DLG2: variants seen among roughly 807,000 people sequenced by gnomAD.
The protein encoded by DLG2 is discs large MAGUK scaffold protein 2, also known as disks large homolog 2.
DLG2 carries 45 observed loss-of-function variants against 132.5 expected under a neutral mutation model. The ratio of observed to expected loss-of-function variants is 0.34; its 90% CI spans 0.27 to 0.44. DLG2 has a LOEUF of 0.44. Among genes scored for constraint, DLG2 ranks in the 20% least tolerant of loss-of-function variants. The pLI is 1.00. For missense variants in DLG2, 1,045 were observed against 1,196.9 expected (o/e 0.87, Z 1.87); for synonymous variants, 424 against 419.6 (o/e 1.01, Z -0.13).
intron 14 of DLG2, 84 bp downstream of exon 14, chr11:83,962,801 C>T: frequency 1.3e-6 from 2 of 1,537,932 alleles, no homozygotes; most frequent in Non-Finnish European, 1.8e-6. Flanking sequence ...AGTTAGCATC[C>T]AAAACAACAC....
chr11:83,868,516 A>G (rs535130989), intron 16 of DLG2, among the ~76,000 whole-genome samples: 137 of 152,274 alleles, frequency 9.0e-4, no homozygotes, highest in African/African-American at 3.0e-3. Flanking sequence ...ACATATATAC[A>G]TATGTGTGTG....
intron 11 of DLG2, among the ~76,000 whole-genome samples, chr11:84,056,412 C>G (rs1398018915): frequency 6.6e-6 from 1 of 152,100 alleles, no homozygotes; most frequent in East Asian, 1.9e-4. Flanking sequence ...ACATCTTCCA[C>G]TTTGTTCCAG....
chr11:84,545,318 T>C, intron 6 of DLG2: 1 of 510,642 alleles, frequency 2.0e-6, no homozygotes. Context: ...TCACTGTAGC[T>C]TCCTTCACCT....
chr11:85,209,270 A>G (rs1488343470), intron 4 of DLG2, among the ~76,000 whole-genome samples: 1 of 151,940 alleles, frequency 6.6e-6, no homozygotes, highest in Non-Finnish European at 1.5e-5. Context: ...TCTGTTTCCA[A>G]GCTAATATCA....
At chr11:85,261,808 A>C (rs1373713201) in intron 4 of DLG2, among the ~76,000 whole-genome samples, 1 of 152,120 alleles carries the variant, frequency 6.6e-6, no homozygotes, top group African/African-American at 2.4e-5. Context: ...GATGAGGAGA[A>C]GGGTCCCTGA....
intron 7 of DLG2, among the ~76,000 whole-genome samples, chr11:84,352,616 T>C (rs1022614780): frequency 2.6e-5 from 4 of 152,172 alleles, no homozygotes; most frequent in Non-Finnish European, 4.4e-5. Flanking sequence ...TTTTGTAATA[T>C]ACACATTGTT....
At chr11:84,101,521 A>C (rs1191852501) in intron 9 of DLG2, among the ~76,000 whole-genome samples, 1 of 151,020 alleles carries the variant, frequency 6.6e-6, no homozygotes, top group Non-Finnish European at 1.5e-5. Flanking sequence ...ATGGATATTC[A>C]AAGCATAGCA....
At chr11:84,770,848 C>T (rs1052277545) in intron 6 of DLG2, among the ~76,000 whole-genome samples, 5 of 151,220 alleles carry the variant, frequency 3.3e-5, no homozygotes, top group East Asian at 3.9e-4. Context: ...AGGGTTTCAC[C>T]GTGTTAGCCA....
chr11:84,514,050 C>T (rs996555973), intron 7 of DLG2, among the ~76,000 whole-genome samples: 9 of 152,004 alleles, frequency 5.9e-5, no homozygotes, highest in Non-Finnish European at 1.0e-4. Flanking sequence ...AGACATTTCT[C>T]AAAAGAAGCC....
At chr11:84,532,116 CA>C (rs1246164184) in intron 7 of DLG2, among the ~76,000 whole-genome samples, 6 of 69,918 alleles carry the variant, frequency 8.6e-5, no homozygotes, top group South Asian at 4.1e-4. Flanking sequence ...TTGTTCTGTT[CA>C]TTTTTTTTTT....
intron 6 of DLG2, among the ~76,000 whole-genome samples, chr11:84,584,801 G>C (rs1184834600): frequency 1.4e-5 from 2 of 141,476 alleles, no homozygotes; most frequent in Non-Finnish European, 3.0e-5. Context: ...CCATTCTCCT[G>C]CCTCAGCCTC....
At chr11:84,962,612 C>T (rs1225227740) in intron 6 of DLG2, among the ~76,000 whole-genome samples, 1 of 152,170 alleles carries the variant, frequency 6.6e-6, no homozygotes, top group East Asian at 1.9e-4. Flanking sequence ...AAATATTTGA[C>T]AAGAAATACC....
At chr11:84,789,982 T>C (rs1284853114) in intron 6 of DLG2, among the ~76,000 whole-genome samples, 1 of 152,224 alleles carries the variant, frequency 6.6e-6, no homozygotes, top group African/African-American at 2.4e-5. Context: ...TATCAATTGA[T>C]CTGTTCATGA....
intron 6 of DLG2, among the ~76,000 whole-genome samples, chr11:84,866,766 C>A (rs1014983891): frequency 6.6e-6 from 1 of 152,096 alleles, no homozygotes; most frequent in Admixed American, 6.6e-5. Flanking sequence ...GGTAGTTATA[C>A]CATTTTTTTG....
At chr11:84,117,576 G>C (rs1351644227) in intron 9 of DLG2, among the ~76,000 whole-genome samples, 1 of 152,090 alleles carries the variant, frequency 6.6e-6, no homozygotes, top group East Asian at 1.9e-4. Flanking sequence ...AGCATCATCT[G>C]CTCTGTGAGG....
intron 6 of DLG2, among the ~76,000 whole-genome samples, chr11:84,797,026 T>C (rs2074717105): frequency 6.6e-6 from 1 of 151,976 alleles, no homozygotes; most frequent in African/African-American, 2.4e-5. Flanking sequence ...TTTCTATTTT[T>C]AGTAGAGACG....
intron 6 of DLG2, among the ~76,000 whole-genome samples, chr11:84,910,472 A>G (rs2091952520): frequency 2.0e-5 from 3 of 152,184 alleles, no homozygotes; most frequent in Admixed American, 1.3e-4. Flanking sequence ...ACTTTAATAA[A>G]TAAAAATTTA....
intron 6 of DLG2, among the ~76,000 whole-genome samples, chr11:84,557,689 G>A (rs563209450): frequency 6.6e-6 from 1 of 150,672 alleles, no homozygotes; most frequent in Non-Finnish European, 1.5e-5. Context: ...GAGATATTTG[G>A]GCTTTTTCTA....
chr11:84,955,582 T>G (rs1385118311), intron 6 of DLG2: 1 of 152,214 alleles, frequency 6.6e-6, no homozygotes. Flanking sequence ...CTTATTAATA[T>G]GTTTAATTTC....
Sources: gnomAD v4.1 joint callset for allele counts (sites outside exome capture counted in the v4.1 genomes callset) on GRCh38, gnomAD v4.1.1 for gene constraint, MANE v1.5 for transcripts, NCBI Gene and HGNC (gene_info 2026-07-23, HGNC 2026-07-21) for gene names.